PTPRD: variants seen among roughly 807,000 people sequenced by gnomAD.
PTPRD encodes protein tyrosine phosphatase receptor type D, also known as receptor-type tyrosine-protein phosphatase delta.
PTPRD carries 34 observed loss-of-function variants against 214.5 expected under a neutral mutation model. The ratio of observed to expected loss-of-function variants is 0.16; its 90% confidence interval spans 0.12 to 0.21. The LOEUF (loss-of-function observed/expected upper bound fraction) is 0.21, where lower values mean the gene tolerates loss of function less well. Among genes scored for constraint, PTPRD ranks in the 10% least tolerant of loss-of-function variants. The pLI, the probability that PTPRD is intolerant of heterozygous loss-of-function variation, is 1.00. For synonymous variants in PTPRD, 1,128 were observed against 845.7 expected (o/e 1.33, Z -5.79); for missense variants, 2,545 against 2,398.7 (o/e 1.06, Z -1.27).
At chr9:10,505,589 T>C (rs2045641997) in intron 2 of PTPRD, among the ~76,000 whole-genome samples, 1 of 151,902 alleles carries the variant, frequency 6.6e-6, no homozygotes, top group Non-Finnish European at 1.5e-5. Flanking sequence ...TATAAAACTT[T>C]CCCTCCTGTA....
At chr9:10,268,321 G>GTAATAATAATA (rs1564900765) in intron 3 of PTPRD, among the ~76,000 whole-genome samples, 5 of 122,980 alleles carry the variant, frequency 4.1e-5, no homozygotes, top group African/African-American at 1.2e-4. Flanking sequence ...TAATAATAAC[G>GTAATAATAATA]ATAATAATAA....
intron 10 of PTPRD, among the ~76,000 whole-genome samples, chr9:9,049,769 C>T (rs948653616): frequency 3.3e-5 from 5 of 152,096 alleles, no homozygotes; most frequent in Admixed American, 3.3e-4. Context: ...TTTCAGAGCA[C>T]TCTGTAATGA....
intron 8 of PTPRD, among the ~76,000 whole-genome samples, chr9:9,479,017 G>A (rs528901742): frequency 6.6e-6 from 1 of 151,908 alleles, no homozygotes; most frequent in Non-Finnish European, 1.5e-5. Context: ...GTGGCTTTCT[G>A]GATTCAGAGA....
intron 10 of PTPRD, among the ~76,000 whole-genome samples, chr9:9,029,527 G>A (rs140787927): frequency 6.6e-6 from 1 of 151,814 alleles, no homozygotes; most frequent in Non-Finnish European, 1.5e-5. Context: ...TGTTCCTAGT[G>A]CCAGAGACAT....
intron 3 of PTPRD, among the ~76,000 whole-genome samples, chr9:10,185,718 A>T (rs1359558957): frequency 6.6e-6 from 1 of 152,146 alleles, no homozygotes; most frequent in Non-Finnish European, 1.5e-5. Flanking sequence ...ATGTGTTAAC[A>T]TACATTCACT....
intron 7 of PTPRD, among the ~76,000 whole-genome samples, chr9:9,687,816 T>C (rs2097192433): frequency 6.6e-6 from 1 of 151,836 alleles, no homozygotes. Flanking sequence ...TATATACATG[T>C]ATGCACACAC....
At chr9:8,507,907 C>T (rs989388683) in intron 21 of PTPRD, among the ~76,000 whole-genome samples, 3 of 152,058 alleles carry the variant, frequency 2.0e-5, no homozygotes, top group South Asian at 2.1e-4. Flanking sequence ...CCTACCTTTA[C>T]GCCAATAACA....
At chr9:9,661,648 A>G (rs2096624411) in intron 7 of PTPRD, among the ~76,000 whole-genome samples, 1 of 151,838 alleles carries the variant, frequency 6.6e-6, no homozygotes, top group Non-Finnish European at 1.5e-5. Context: ...AGTATGTCTA[A>G]TTTGTTTGCC....
In PTPRD at chr9:10,083,388, G is replaced by A. The variant is rs548958189; in HGVS notation, c.-544-49598C>T. On this transcript the variant is annotated intron_variant, in intron 3 of 45. Coordinates refer to ENST00000381196, the MANE Select transcript of PTPRD (RefSeq NM_002839.4). ...TACACAGATTAGATTTTCAAAATGT[G>A]GCTGTATGAAAAGGGCATGACATGA... Among the ~76,000 whole-genome samples, 9 of 152,042 alleles carry A rather than the reference G, an allele frequency of 5.9e-5. No individual in the cohort carries two copies. In the South Asian group the frequency reaches 1.7e-3, roughly 28 times the overall value.
rs71308854 is a variant in PTPRD, at chr9:9,909,317, G to GTT, written c.-368+29188_-368+29189dup. On this transcript the variant is annotated intron_variant, in intron 5 of 45. Coordinates refer to ENST00000381196, the MANE Select transcript of PTPRD (RefSeq NM_002839.4). ...TTTAGGTTGAGTTTTTAATCTGAAA[G>GTT]TTTTTTTTTTTTTTTTACGGCTTTT... Among the ~76,000 whole-genome samples the GTT allele has an allele frequency of 3.0e-3, 419 of 138,300 alleles. 2 individuals are homozygous for GTT. The highest frequency in any genetic ancestry group is 9.3e-3 in the East Asian group (44 of 4,710). 90.7% of individuals were successfully genotyped at this position (138,300 alleles called of 152,430 possible). A position where few individuals can be genotyped will look rare whatever the true frequency, so the allele number is the denominator to read the frequency against.
At chr9:9,927,250 A>T (rs1377964529) in intron 5 of PTPRD, among the ~76,000 whole-genome samples, 7 of 152,170 alleles carry the variant, frequency 4.6e-5, no homozygotes, top group African/African-American at 1.7e-4. Context: ...AGCATGAAAT[A>T]AAGAACTCTT....
intron 3 of PTPRD, among the ~76,000 whole-genome samples, chr9:10,277,184 C>CAACATAAACATAAAACATAAAACATA (rs1564958851): frequency 1.5e-4 from 20 of 133,910 alleles, no homozygotes; most frequent in African/African-American, 4.9e-4. Flanking sequence ...AGTAAAAAAA[C>CAACATAAACATAAAACATAAAACATA]AACATAAACA....
chr9:10,562,978 A>G (rs56280034), intron 2 of PTPRD, among the ~76,000 whole-genome samples: 16,949 of 152,226 alleles, frequency 0.11, 1,057 homozygotes, highest in Middle Eastern at 0.19. Flanking sequence ...TCACATTTAA[A>G]AAAATTATAG....
intron 14 of PTPRD, among the ~76,000 whole-genome samples, chr9:8,589,297 A>G (rs1038357558): frequency 1.3e-5 from 2 of 152,290 alleles, no homozygotes; most frequent in Admixed American, 1.3e-4. Flanking sequence ...TTTAACCGAT[A>G]AACACTAAAA....
At chr9:8,582,112 A>G (rs531686698) in intron 14 of PTPRD, among the ~76,000 whole-genome samples, 46 of 152,108 alleles carry the variant, frequency 3.0e-4, no homozygotes, top group Non-Finnish European at 5.4e-4. Flanking sequence ...ACAAATCAGA[A>G]AAAAGCTCGG....
chr9:9,334,949 T>G (rs1222545342), intron 9 of PTPRD, among the ~76,000 whole-genome samples: 1 of 151,922 alleles, frequency 6.6e-6, no homozygotes, highest in Non-Finnish European at 1.5e-5. Context: ...CTTATGAAGG[T>G]AGAGTAATTG....
intron 30 of PTPRD, among the ~76,000 whole-genome samples, chr9:8,480,940 C>G (rs889654009): frequency 3.9e-5 from 6 of 151,944 alleles, no homozygotes; most frequent in Admixed American, 2.6e-4. Context: ...GAGATCGAGA[C>G]CAACCTGGCT....
intron 2 of PTPRD, among the ~76,000 whole-genome samples, chr9:10,555,768 A>C (rs2062429070): frequency 6.6e-6 from 1 of 152,234 alleles, no homozygotes; most frequent in Admixed American, 6.5e-5. Flanking sequence ...CACAAAACTC[A>C]ATCATCAGAA....
At chr9:9,564,894 T>TTG (rs1555579012) in intron 8 of PTPRD, among the ~76,000 whole-genome samples, 1 of 133,900 alleles carries the variant, frequency 7.5e-6, no homozygotes, top group Non-Finnish European at 1.6e-5. Context: ...GTTTTTTTTT[T>TTG]TTTTTTTTTT....
Sources: gnomAD v4.1 joint callset for allele counts (sites outside exome capture counted in the v4.1 genomes callset) on GRCh38, gnomAD v4.1.1 for gene constraint, MANE v1.5 for transcripts, NCBI Gene and HGNC (gene_info 2026-07-23, HGNC 2026-07-21) for gene names.